LINGO2: variants seen among roughly 807,000 people sequenced by gnomAD.
The protein encoded by LINGO2 is leucine-rich repeat and immunoglobulin-like domain-containing nogo receptor-interacting protein 2.
In LINGO2, 14 loss-of-function variants were observed where a neutral mutation model predicts 30.6. That is an observed-to-expected ratio of 0.46 (90% CI 0.30 to 0.72). The LOEUF (loss-of-function observed/expected upper bound fraction) is 0.72, where lower values mean the gene tolerates loss of function less well. Among genes scored for constraint, LINGO2 ranks in the 30% least tolerant of loss-of-function variants. The probability of loss-of-function intolerance (pLI) is 0.07; values close to 1 mark genes in which losing one functional copy is unlikely to be tolerated. For missense variants in LINGO2, 729 were observed against 751.7 expected, an observed-to-expected ratio of 0.97 and a Z score of 0.35; for synonymous variants, 317 against 288.5, an observed-to-expected ratio of 1.10 and a Z score of -1.00.
At chr9:28,870,773 G>A in the LINGO2 span, among the ~76,000 whole-genome samples, 5 of 152,016 alleles carry the variant, frequency 3.3e-5, no homozygotes, top group South Asian at 2.1e-4. Context: ...CTTTTAAATC[G>A]TACTAAAGAA....
chr9:27,974,991 A>C (rs1314547294), intron 5 of LINGO2, among the ~76,000 whole-genome samples: 5 of 152,148 alleles, frequency 3.3e-5, no homozygotes, highest in Admixed American at 6.6e-5. Flanking sequence ...GACATACTCC[A>C]CATTGTTCAT....
At chr9:28,135,304 A>G (rs1047395958) in intron 4 of LINGO2, among the ~76,000 whole-genome samples, 4 of 152,272 alleles carry the variant, frequency 2.6e-5, no homozygotes, top group Admixed American at 1.3e-4. Context: ...GAAATGAAAG[A>G]AAAAAGAGAT....
intron 4 of LINGO2, among the ~76,000 whole-genome samples, chr9:28,204,556 C>T (rs1006739226): frequency 2.0e-5 from 3 of 152,056 alleles, no homozygotes; most frequent in African/African-American, 7.2e-5. Context: ...AAAGCAGTTC[C>T]CTAGGCATAT....
chr9:28,626,928 C>T (rs765626612), intron 1 of LINGO2, among the ~76,000 whole-genome samples: 3 of 151,732 alleles, frequency 2.0e-5, no homozygotes, highest in Non-Finnish European at 4.4e-5. Flanking sequence ...CCTTTGTTTG[C>T]TAATCTAATA....
chr9:28,056,607 T>A (rs1019048659), intron 4 of LINGO2, among the ~76,000 whole-genome samples: 1 of 152,138 alleles, frequency 6.6e-6, no homozygotes, highest in Admixed American at 6.6e-5. Flanking sequence ...AATTAGCCCC[T>A]GGCAGGACCT....
intron 4 of LINGO2, among the ~76,000 whole-genome samples, chr9:28,231,417 G>A (rs561611911): frequency 6.6e-6 from 1 of 151,618 alleles, no homozygotes; most frequent in South Asian, 2.1e-4. Context: ...TTTTCTTTTG[G>A]TATTTAAAAT....
the LINGO2 span, among the ~76,000 whole-genome samples, chr9:28,963,682 A>T: frequency 6.6e-6 from 1 of 151,922 alleles, no homozygotes; most frequent in Non-Finnish European, 1.5e-5. Context: ...CAGGTGCAGA[A>T]AGACAAATAC....
chr9:28,476,279 T>C (rs1237763245), intron 1 of LINGO2, among the ~76,000 whole-genome samples: 2 of 152,166 alleles, frequency 1.3e-5, no homozygotes, highest in Non-Finnish European at 2.9e-5. Context: ...AATTATTTAT[T>C]TATTTATTTA....
chr9:29,157,671 C>A, the LINGO2 span, among the ~76,000 whole-genome samples: 213 of 152,248 alleles, frequency 1.4e-3, 2 homozygotes, highest in African/African-American at 4.9e-3. Flanking sequence ...AGTAATGTGA[C>A]ACTGTCTCCT....
chr9:29,089,661 C>A, the LINGO2 span, among the ~76,000 whole-genome samples: 11 of 152,022 alleles, frequency 7.2e-5, no homozygotes, highest in African/African-American at 2.4e-4. Context: ...CACCTTCTAA[C>A]TGAAAAGGTG....
chr9:28,141,860 C>A (rs1195734257), intron 4 of LINGO2, among the ~76,000 whole-genome samples: 4 of 152,122 alleles, frequency 2.6e-5, no homozygotes, highest in African/African-American at 9.7e-5. Context: ...TGCAGTGAGC[C>A]GAGATCGCGC....
chr9:28,603,919 T>C (rs528258954), intron 1 of LINGO2, among the ~76,000 whole-genome samples: 79 of 152,204 alleles, frequency 5.2e-4, no homozygotes, highest in Middle Eastern at 6.8e-3. Flanking sequence ...CACCCATGTA[T>C]ACTAGGGCTT....
chr9:28,870,830 A>G, the LINGO2 span, among the ~76,000 whole-genome samples: 5 of 152,106 alleles, frequency 3.3e-5, no homozygotes, highest in Non-Finnish European at 7.4e-5. Flanking sequence ...ATATTTTAAA[A>G]AAGCAAATGA....
intron 3 of LINGO2, among the ~76,000 whole-genome samples, chr9:28,362,344 G>A (rs967844136): frequency 6.6e-6 from 1 of 151,966 alleles, no homozygotes; most frequent in Admixed American, 6.6e-5. Flanking sequence ...GGATTTGAGA[G>A]AACCCAGAAG....
the LINGO2 span, among the ~76,000 whole-genome samples, chr9:28,961,071 T>C: frequency 6.6e-6 from 1 of 152,142 alleles, no homozygotes; most frequent in African/African-American, 2.4e-5. Context: ...GTAGATTTAT[T>C]TGGCTAAGAA....
the LINGO2 span, among the ~76,000 whole-genome samples, chr9:28,989,949 C>A: frequency 1.3e-5 from 2 of 152,190 alleles, no homozygotes; most frequent in Non-Finnish European, 1.5e-5. Context: ...CGGTCTACAG[C>A]TCCCAGCGTG....
chr9:28,885,354 T>TACACAC, the LINGO2 span, among the ~76,000 whole-genome samples: 7 of 47,056 alleles, frequency 1.5e-4, no homozygotes, highest in South Asian at 7.0e-4. Context: ...GGGAGATATA[T>TACACAC]ATATATACAC....
chr9:28,331,162 G>A (rs920921678), intron 3 of LINGO2, among the ~76,000 whole-genome samples: 2 of 151,570 alleles, frequency 1.3e-5, no homozygotes, highest in African/African-American at 2.4e-5. Context: ...ATTGGTGAGG[G>A]GTAAAGAAAA....
At chr9:28,763,034 T>A in the LINGO2 span, among the ~76,000 whole-genome samples, 1 of 152,126 alleles carries the variant, frequency 6.6e-6, no homozygotes, top group South Asian at 2.1e-4. Flanking sequence ...ACAGTTTATT[T>A]TGTTCTGTGA....
Sources: gnomAD v4.1 joint callset for allele counts (sites outside exome capture counted in the v4.1 genomes callset) on GRCh38, gnomAD v4.1.1 for gene constraint, MANE v1.5 for transcripts, NCBI Gene and HGNC (gene_info 2026-07-23, HGNC 2026-07-21) for gene names.